NPHS1: variants seen among roughly 807,000 people sequenced by gnomAD.
NPHS1 encodes NPHS1 adhesion molecule, nephrin.
A neutral mutation model predicts 139.7 loss-of-function variants in NPHS1; 107 were observed. The ratio of observed to expected loss-of-function variants is 0.77; its 90% CI spans 0.66 to 0.90. The LOEUF (loss-of-function observed/expected upper bound fraction) is 0.90, where lower values mean the gene tolerates loss of function less well. NPHS1 is among the 40% of genes least tolerant of loss of function. NPHS1 has a pLI of 0.00. For synonymous variants in NPHS1, 707 were observed against 706.6 expected (o/e 1.00, Z -0.01); for missense variants, 1,580 against 1,654.2 (o/e 0.96, Z 0.78).
At chr19:35,846,278 G>A in intron 11 of NPHS1, 84 bp from the exon 12 acceptor site, 1 of 1,414,966 alleles carries the variant, frequency 7.1e-7, no homozygotes. Flanking sequence ...CCACTGGGTT[G>A]GTGCCGCCAG....
intron 23 of NPHS1, among the ~76,000 whole-genome samples, chr19:35,832,866 G>A (rs1383246348): frequency 1.6e-5 from 2 of 126,362 alleles, no homozygotes; most frequent in Non-Finnish European, 3.2e-5. Context: ...CAGCCTGGGT[G>A]ACAGAATGAG....
intron 28 of NPHS1, 108 bp from the exon 29 acceptor site, chr19:35,826,753 T>C: frequency 8.2e-7 from 1 of 1,223,578 alleles, no homozygotes; most frequent in Non-Finnish European, 1.2e-6. Flanking sequence ...AAAAGTGTTT[T>C]AGCTTTTACT....
At position 35,841,882 on chromosome 19, in the gene NPHS1, G is replaced by T. The variant is rs944722815; in HGVS notation, c.2664-16C>A. On this transcript the variant is annotated splice_polypyrimidine_tract_variant and intron_variant, in intron 19 of 28. Coordinates refer to ENST00000378910, the MANE Select transcript of NPHS1 (RefSeq NM_004646.4). ...CTCCGTGTACCTAGAGAGAAGGTAGGGCACCACTCACCCTTCCATTCACCC... is the reference window on the plus strand; with the variant it reads ...CTCCGTGTACCTAGAGAGAAGGTAGTGCACCACTCACCCTTCCATTCACCC... 3.8e-6 allele frequency: 6 copies of T among 1,598,248 alleles called. No homozygotes were observed. Among genetic ancestry groups the T allele is most frequent in the Non-Finnish European group, 5.1e-6 (6 of 1,172,092 alleles).
Position 35,849,355 on chromosome 19 carries a change from C to A in NPHS1, c.721G>T (p.Gly241Ter). Reference sequence around the variant, plus strand: ...CCTGGCCACTCGATGACAGGGGGTCCTGGAGGGACTGGGGGATATCAGTCA... The same window carrying A: ...CCTGGCCACTCGATGACAGGGGGTCATGGAGGGACTGGGGGATATCAGTCA... Reference protein sequence around the residue: ...SFTVNVLFPPGPPVIEWPGLD... With the variant: ...SFTVNVLFPP The change falls in exon 7 of 29, where the codon GGA (glycine) becomes TGA (stop). Residue 241 changes from glycine to a stop codon, truncating the protein, a stop_gained. Transcript: ENST00000378910. LOFTEE classifies it high-confidence loss of function. 1 of 1,611,848 alleles carries A rather than the reference C, an allele frequency of 6.2e-7. No homozygotes were observed.
At chr19:35,830,506 C>T (rs1284613022) in intron 28 of NPHS1, among the ~76,000 whole-genome samples, 1 of 152,258 alleles carries the variant, frequency 6.6e-6, no homozygotes, top group Admixed American at 6.5e-5. Flanking sequence ...AACTCCTGAG[C>T]TCAAGGGATC....
chr19:35,848,981 AC>A lies in NPHS1; in HGVS notation c.1006del (p.Val336SerfsTer22), dbSNP rs1264646897. On this transcript the variant is annotated frameshift_variant, in exon 8 of 29. Coordinates refer to ENST00000378910, the MANE Select transcript of NPHS1 (RefSeq NM_004646.4). LOFTEE classifies it high-confidence loss of function. ...CAGCTGGCACCAGGACTCACAGGTGACCTGCAGTGTGATGCCGTGCTCCTGG... is the reference window on the plus strand; with the variant it reads ...CAGCTGGCACCAGGACTCACAGGTGACTGCAGTGTGATGCCGTGCTCCTGG... The part of the protein sequence containing the change: ...GTQEHGITLQ[V>X]TFPPSAIIIL... The A allele has an allele frequency of 6.2e-7, 1 of 1,611,642 alleles. No individual in the cohort carries two copies. The highest frequency in any genetic ancestry group is 8.5e-7 in the Non-Finnish European group (1 of 1,180,022).
intron 16 of NPHS1, chr19:35,843,808 A>G (rs990314714): frequency 1.5e-6 from 1 of 663,884 alleles, no homozygotes; most frequent in Non-Finnish European, 2.5e-6. Context: ...GAGTGAGTTG[A>G]GTGGGCTTCC....
At position 35,846,131 on chromosome 19, in the gene NPHS1, C is replaced by T. The variant is rs186060489; in HGVS notation, c.1504G>A (p.Val502Met). 136 of 1,597,890 alleles carry T rather than the reference C, an allele frequency of 8.5e-5. No homozygotes were observed. The highest frequency in any genetic ancestry group is 1.0e-4 in the Non-Finnish European group (120 of 1,173,468). The change falls in exon 12 of 29, where the codon GTG becomes ATG. Residue 502 changes from valine to methionine, a missense_variant. Val to Met is a conservative substitution (Grantham distance 21, BLOSUM62 1). Coordinates refer to ENST00000378910, the MANE Select transcript of NPHS1 (RefSeq NM_004646.4). ...GAGAAGGTGCTCCCAGATTTCTCCA[C>T]GCTGCCGAGATGCACGCGCCGCGAC... ...QESRRVHLGS[V>M]EKSGSTFSRE...
rs1427145119 is a variant in NPHS1, at chr19:35,826,320, C to T, written c.*194G>A. Reference sequence around the variant, plus strand: ...GAAGTTTAGTTTCTAAAGCCAACCCCAGGATGCACCTTGTTTCTACTCTGG... The same window carrying T: ...GAAGTTTAGTTTCTAAAGCCAACCCTAGGATGCACCTTGTTTCTACTCTGG... On this transcript the variant is annotated 3_prime_UTR_variant, in exon 29 of 29. Transcript: ENST00000378910. 2.5e-5 allele frequency: 16 copies of T among 627,570 alleles called. No homozygotes were observed. In the East Asian group the frequency reaches 4.5e-4, roughly 18 times the overall value. The allele number at this position is 627,570 out of a possible 1,614,324, so 38.9% of individuals were successfully genotyped here. A position where few individuals can be genotyped will look rare whatever the true frequency, so the allele number is the denominator to read the frequency against.
At chr19:35,841,895 C>T (rs543850774) in intron 19 of NPHS1, 29 bp from the exon 20 acceptor site, 2 of 1,585,278 alleles carry the variant, frequency 1.3e-6, no homozygotes, top group South Asian at 1.1e-5. Flanking sequence ...ACCACTCACC[C>T]TTCCATTCAC....
intron 23 of NPHS1, among the ~76,000 whole-genome samples, chr19:35,834,836 G>A (rs575904150): frequency 4.6e-5 from 7 of 150,824 alleles, no homozygotes; most frequent in Non-Finnish European, 8.8e-5. Context: ...AGTCAGCCGA[G>A]ATCGCACCAC....
intron 4 of NPHS1, 150 bp downstream of exon 4, chr19:35,850,811 C>T (rs546082759): frequency 9.4e-7 from 1 of 1,059,958 alleles, no homozygotes; most frequent in South Asian, 1.4e-5. Flanking sequence ...CCACACTGGC[C>T]TCAGCATCTC....
intron 28 of NPHS1, 109 bp downstream of exon 28, chr19:35,830,735 G>A: frequency 1.3e-6 from 1 of 796,918 alleles, no homozygotes; most frequent in East Asian, 2.4e-5. Flanking sequence ...CTGGATCATG[G>A]TCAGGCCTCT....
chr19:35,845,875 G>A lies in NPHS1; in HGVS notation c.1628-77C>T, dbSNP rs1973132736. The A allele has an allele frequency of 3.8e-6, 6 of 1,570,524 alleles. No individual in the cohort carries two copies. The highest frequency in any genetic ancestry group is 3.5e-6 in the Non-Finnish European group (4 of 1,156,290). Reference sequence around the variant, plus strand: ...CTGCGTCCACCCCGCCTGCACCCCAGGCTCCGCCCAGTCTCGGGTCCCCCA... The same window carrying A: ...CTGCGTCCACCCCGCCTGCACCCCAAGCTCCGCCCAGTCTCGGGTCCCCCA... On this transcript the variant is annotated intron_variant, in intron 12 of 28. Coordinates refer to ENST00000378910, the MANE Select transcript of NPHS1 (RefSeq NM_004646.4). The surrounding 1 kb of genome is among the most constrained non-coding windows in gnomAD (Gnocchi z 5.5).
At position 35,849,492 on chromosome 19, in the gene NPHS1, A is replaced by AC. The variant is rs1973197042; in HGVS notation, c.712+57dup. 27 of 1,591,856 alleles carry AC rather than the reference A, an allele frequency of 1.7e-5. No individual in the cohort carries two copies. In the South Asian group the frequency reaches 2.3e-4, roughly 14 times the overall value. ...TCCATAATCCCTGTGATCCCCCCACACCCCCCAGTGCCTGCTCCCCATCCT... is the reference window on the plus strand; with the variant it reads ...TCCATAATCCCTGTGATCCCCCCACACCCCCCCAGTGCCTGCTCCCCATCCT... On this transcript the variant is annotated intron_variant, in intron 6 of 28. Transcript: ENST00000378910.
In NPHS1 at chr19:35,844,319, C is replaced by T. The variant is rs546997981; in HGVS notation, c.2071G>A (p.Ala691Thr). ...CCCTCCCCATGACCACTTCCCTCAC[C>T]TGGACTGAGGCGATAGCCGCGGAAG... Reference protein sequence around the residue: ...WTFRGYRLSPAGGPRHRILSS... With the variant: ...WTFRGYRLSPTGGPRHRILSS... Residue 691 changes from alanine (A) to threonine (T), a missense_variant and splice_region_variant, in exon 15 of 29, where the codon GCG (alanine) becomes ACG (threonine). Transcript: ENST00000378910. The T allele has an allele frequency of 6.2e-7, 1 of 1,613,990 alleles. No homozygotes were observed. Among genetic ancestry groups the T allele is most frequent in the Admixed American group, 1.7e-5 (1 of 60,026 alleles).
chr19:35,845,968 T>TC lies in NPHS1; in HGVS notation c.1627+39dup. ...TCCCTGCCCCACCTGGCTCTGTCCC[T>TC]CCCGCCCCGCCCCCGGGCCTCAGCA... is the stretch of plus-strand genomic sequence containing the variant. On this transcript the variant is annotated intron_variant, in intron 12 of 28. Coordinates refer to ENST00000378910, the MANE Select transcript of NPHS1 (RefSeq NM_004646.4). The surrounding 1 kb of genome is among the most constrained non-coding windows in gnomAD (Gnocchi z 5.5). 6 of 888,804 alleles carry TC rather than the reference T, an allele frequency of 6.8e-6. No homozygotes were observed. Among genetic ancestry groups the TC allele is most frequent in the Non-Finnish European group, 1.0e-5 (6 of 594,368 alleles). 55.1% of individuals were successfully genotyped at this position (888,804 alleles called of 1,614,324 possible).
rs1973284979 is a variant in NPHS1, at chr19:35,852,109, T to C, written c.-272A>G. 2.0e-5 allele frequency among the ~76,000 whole-genome samples: 3 copies of C among 150,276 alleles called. No homozygotes were observed. Among genetic ancestry groups the C allele is most frequent in the Admixed American group, 2.0e-4 (3 of 15,156 alleles). On this transcript the variant is annotated 5_prime_UTR_variant, in exon 1 of 29. Coordinates refer to ENST00000378910, the MANE Select transcript of NPHS1 (RefSeq NM_004646.4). Reference sequence around the variant, plus strand: ...TTCTTTTTTTTTTCTTTTTTTTTTTTTTAGAGACGGGGTCTCACTATGTTG... The same window carrying C: ...TTCTTTTTTTTTTCTTTTTTTTTTTCTTAGAGACGGGGTCTCACTATGTTG...
At position 35,852,129 on chromosome 19, in the gene NPHS1, A is replaced by T. The variant is rs1419223891; in HGVS notation, c.-292T>A. Among the ~76,000 whole-genome samples the T allele has an allele frequency of 4.4e-5, 5 of 112,864 alleles. No individual in the cohort carries two copies. Among genetic ancestry groups the T allele is most frequent in the Admixed American group, 2.2e-4 (2 of 9,074 alleles). 74.0% of individuals were successfully genotyped at this position (112,864 alleles called of 152,430 possible). A position where few individuals can be genotyped will look rare whatever the true frequency, so the allele number is the denominator to read the frequency against. On this transcript the variant is annotated 5_prime_UTR_variant, in exon 1 of 29. Transcript: ENST00000378910. ...TTTTTTTTAGAGACGGGGTCTCACT[A>T]TGTTGGCCAGGTTGATCTCAGACTC...
Sources: allele counts gnomAD v4.1 joint callset (sites outside exome capture counted in the v4.1 genomes callset), GRCh38; gene constraint gnomAD v4.1.1; non-coding constraint Gnocchi (gnomAD v3.1); transcripts MANE v1.5; gene names NCBI Gene and HGNC (gene_info 2026-07-23, HGNC 2026-07-21).